G3BP2: variants seen among roughly 807,000 people sequenced by gnomAD.
G3BP2 encodes the protein G3BP stress granule assembly factor 2, also known as ras GTPase-activating protein-binding protein 2.
Under a neutral mutation model 56.7 loss-of-function variants are expected in G3BP2, and 11 were observed. That is an observed-to-expected ratio of 0.19 (90% CI 0.12 to 0.32). The LOEUF (loss-of-function observed/expected upper bound fraction) is 0.32. Among genes scored for constraint, G3BP2 ranks in the 10% least tolerant of loss-of-function variants. The probability of loss-of-function intolerance (pLI) is 1.00; values close to 1 mark genes in which losing one functional copy is unlikely to be tolerated. For synonymous variants in G3BP2, 165 were observed against 191.6 expected (o/e 0.86, Z 1.15); for missense variants, 340 against 610.9 (o/e 0.56, Z 4.67).
At chr4:75,704,106 C>T (rs974039760) in intron 3 of G3BP2, among the ~76,000 whole-genome samples, 3 of 151,504 alleles carry the variant, frequency 2.0e-5, no homozygotes, top group South Asian at 4.2e-4. Flanking sequence ...GCAACCTCCG[C>T]CTCCTGGGTT....
intron 3 of G3BP2, among the ~76,000 whole-genome samples, chr4:75,701,191 C>T (rs1014962724): frequency 6.6e-6 from 1 of 151,886 alleles, no homozygotes; most frequent in African/African-American, 2.4e-5. Context: ...TTTTTCTTAT[C>T]CCCCCCAATT....
Position 75,657,722 on chromosome 4 carries a change from G to A in G3BP2, c.186C>T (p.His62=), listed in dbSNP as rs556693990. ...QEAVYGQNDI[H]HKVLSLNFSE... Reference sequence around the variant, plus strand: ...TGAAGTTCAGAGATAATACTTTGTGGTGTATATCCTTTATTAGGGAGGGAG... The same window carrying A: ...TGAAGTTCAGAGATAATACTTTGTGATGTATATCCTTTATTAGGGAGGGAG... The change falls in exon 4 of 12, where the codon CAC becomes CAT. Residue 62 remains histidine, a synonymous_variant. Coordinates refer to ENST00000359707, the MANE Select transcript of G3BP2 (RefSeq NM_203505.3). 5 of 1,605,678 alleles carry A rather than the reference G, an allele frequency of 3.1e-6. No homozygotes were observed. The East Asian group carries it at 1.1e-4, about 36-fold the overall frequency.
chr4:75,711,978 C>A (rs1194796679), intron 3 of G3BP2, among the ~76,000 whole-genome samples: 1 of 152,018 alleles, frequency 6.6e-6, no homozygotes, highest in Non-Finnish European at 1.5e-5. Context: ...AATTATGGAA[C>A]AATTGAAAGA....
At chr4:75,702,591 G>A (rs1055634680) in intron 3 of G3BP2, among the ~76,000 whole-genome samples, 2 of 152,316 alleles carry the variant, frequency 1.3e-5, no homozygotes, top group Non-Finnish European at 2.9e-5. Context: ...AAACTAAGAG[G>A]TTAAAGGAAC....
intron 3 of G3BP2, among the ~76,000 whole-genome samples, chr4:75,710,914 T>C (rs1560423009): frequency 6.6e-6 from 1 of 152,164 alleles, no homozygotes; most frequent in Non-Finnish European, 1.5e-5. Flanking sequence ...TCCTTCTGCC[T>C]TGGCCTCCCA....
At chr4:75,718,516 G>A (rs1396943693) in intron 3 of G3BP2, among the ~76,000 whole-genome samples, 3 of 152,164 alleles carry the variant, frequency 2.0e-5, no homozygotes, top group Admixed American at 6.5e-5. Context: ...GGGATACAGT[G>A]AGCATGTATT....
intron 3 of G3BP2, among the ~76,000 whole-genome samples, chr4:75,692,327 T>C (rs1284833441): frequency 1.3e-5 from 2 of 152,092 alleles, no homozygotes; most frequent in Admixed American, 6.6e-5. Flanking sequence ...TCTTTTTTTT[T>C]TTAAGACAGA....
chr4:75,665,642 CAA>C (rs1449746997), intron 1 of G3BP2, among the ~76,000 whole-genome samples: 50 of 26,074 alleles, frequency 1.9e-3, no homozygotes, highest in South Asian at 0.017. Flanking sequence ...CACACACACA[CAA>C]ACACACAAAC....
At chr4:75,696,220 A>G (rs1370718437) in intron 3 of G3BP2, among the ~76,000 whole-genome samples, 1 of 152,128 alleles carries the variant, frequency 6.6e-6, no homozygotes, top group East Asian at 1.9e-4. Flanking sequence ...GTGTTGAGGA[A>G]GTTAGAGAGG....
chr4:75,658,525 G>A (rs1456157028), intron 3 of G3BP2, among the ~76,000 whole-genome samples: 2 of 151,824 alleles, frequency 1.3e-5, no homozygotes, highest in Non-Finnish European at 2.9e-5. Context: ...GAGGTTGGGA[G>A]TTCGAGACCA....
At chr4:75,670,859 C>T (rs1346697843) in intron 1 of G3BP2, among the ~76,000 whole-genome samples, 1 of 152,066 alleles carries the variant, frequency 6.6e-6, no homozygotes, top group Non-Finnish European at 1.5e-5. Flanking sequence ...GAAGAGCAGC[C>T]AGCTCTTCCA....
intron 3 of G3BP2, among the ~76,000 whole-genome samples, chr4:75,691,161 C>G (rs764886597): frequency 3.9e-5 from 6 of 151,912 alleles, no homozygotes; most frequent in Admixed American, 1.3e-4. Context: ...CTCACTTCAA[C>G]CTGTGCCTCC....
chr4:75,712,897 G>T (rs2149110912), intron 3 of G3BP2, among the ~76,000 whole-genome samples: 1 of 152,088 alleles, frequency 6.6e-6, no homozygotes, highest in Admixed American at 6.6e-5. Flanking sequence ...AGATTTAAGA[G>T]AATATAGAAT....
chr4:75,653,847 G>A, intron 8 of G3BP2, 136 bp downstream of exon 8: 1 of 555,732 alleles, frequency 1.8e-6, no homozygotes, highest in Non-Finnish European at 3.3e-6. Context: ...TTTAAAGTGG[G>A]TGCACTGACA....
intron 7 of G3BP2, among the ~76,000 whole-genome samples, chr4:75,654,414 G>A (rs112351024): frequency 6.6e-6 from 1 of 152,184 alleles, no homozygotes; most frequent in South Asian, 2.1e-4. Context: ...TTTCCCCTTT[G>A]GGGGTAAGAT....
Position 75,719,746 on chromosome 4 carries a change from C to T in G3BP2, c.-25+1131G>A, listed in dbSNP as rs553886614. Among the ~76,000 whole-genome samples, 3 of 152,102 alleles carry T rather than the reference C, an allele frequency of 2.0e-5. No individual in the cohort carries two copies. The South Asian group carries it at 6.2e-4, about 32-fold the overall frequency. Reference sequence around the variant, plus strand: ...CTAGGATTACAGGCATGCACCACCACGCTCGGCTAATTCTGTATTTTTAGT... The same window carrying T: ...CTAGGATTACAGGCATGCACCACCATGCTCGGCTAATTCTGTATTTTTAGT... On this transcript the variant is annotated intron_variant, in intron 3 of 3. Coordinates refer to the G3BP2 transcript ENST00000499709.
intron 1 of G3BP2, among the ~76,000 whole-genome samples, chr4:75,664,468 T>G (rs1166638700): frequency 6.6e-6 from 1 of 151,784 alleles, no homozygotes; most frequent in Non-Finnish European, 1.5e-5. Flanking sequence ...CCCAGCTACT[T>G]GGGAAGCTGA....
intron 3 of G3BP2, among the ~76,000 whole-genome samples, chr4:75,681,944 C>T (rs1734091552): frequency 6.6e-6 from 1 of 151,936 alleles, no homozygotes; most frequent in Admixed American, 6.6e-5. Flanking sequence ...TACCTGAACA[C>T]AAACACAGTG....
chr4:75,679,230 C>T (rs1029076089), intron 3 of G3BP2, among the ~76,000 whole-genome samples: 4 of 152,236 alleles, frequency 2.6e-5, no homozygotes, highest in African/African-American at 9.6e-5. Flanking sequence ...CTTGAGAATC[C>T]CAGGGCTCTC....
Sources: allele counts gnomAD v4.1 joint callset (sites outside exome capture counted in the v4.1 genomes callset), GRCh38; gene constraint gnomAD v4.1.1; transcripts MANE v1.5; gene names NCBI Gene and HGNC (gene_info 2026-07-23, HGNC 2026-07-21).